TMEM165: variants seen among roughly 807,000 people sequenced by gnomAD.
The protein encoded by TMEM165 is transmembrane protein 165, also known as putative divalent cation/proton antiporter TMEM165.
Under a neutral mutation model 30.0 loss-of-function variants are expected in TMEM165, and 19 were observed. The observed-to-expected ratio is 0.63, with a 90% CI of 0.44 to 0.93. TMEM165 has a LOEUF of 0.93. Among genes scored for constraint, TMEM165 ranks in the 40% least tolerant of loss-of-function variants. TMEM165 has a pLI of 0.00. For missense variants in TMEM165, 340 were observed against 417.0 expected (o/e 0.82, Z 1.61); for synonymous variants, 168 against 162.9 (o/e 1.03, Z -0.24).
At chr4:55,443,218 G>C (rs1165392913) in intron 3 of TMEM165, among the ~76,000 whole-genome samples, 1 of 152,122 alleles carries the variant, frequency 6.6e-6, no homozygotes, top group Non-Finnish European at 1.5e-5. Flanking sequence ...GCTCACACCT[G>C]TAATCCCAGC....
intron 3 of TMEM165, chr4:55,438,431 ATGCAGTCAC>A (rs1238418312): frequency 6.2e-7 from 1 of 1,613,910 alleles, no homozygotes. Flanking sequence ...AAAGTAGGAT[ATGCAGTCAC>A]CACCTGGCCC....
intron 3 of TMEM165, among the ~76,000 whole-genome samples, chr4:55,443,475 CA>C (rs36064611): frequency 0.37 from 44,210 of 119,716 alleles, 6,957 homozygotes; most frequent in East Asian, 0.59. Context: ...AACTCCGTCT[CA>C]AAAAAAAAAA....
chr4:55,447,044 TTTTG>T (rs966243043), intron 3 of TMEM165, among the ~76,000 whole-genome samples: 1 of 152,088 alleles, frequency 6.6e-6, no homozygotes, highest in African/African-American at 2.4e-5. Context: ...AAGTTTTTTT[TTTTG>T]TTTTTTTTTA....
intron 1 of TMEM165, among the ~76,000 whole-genome samples, chr4:55,402,033 G>A (rs1339805750): frequency 1.4e-5 from 2 of 146,902 alleles, no homozygotes; most frequent in South Asian, 2.1e-4. Flanking sequence ...CAGGAGAATC[G>A]CTTGAGCCCG....
At chr4:55,449,305 G>A (rs1724218558) in intron 3 of TMEM165, 1 of 1,141,408 alleles carries the variant, frequency 8.8e-7, no homozygotes, top group Non-Finnish European at 1.3e-6. Context: ...TTACAAAGAG[G>A]GGTGACAAAT....
exon 4 of TMEM165, chr4:55,452,353 C>T (rs1401086613): frequency 6.6e-6 from 1 of 152,230 alleles, no homozygotes; most frequent in African/African-American, 2.4e-5. Context: ...GTCCAACTGC[C>T]CATGAGGAAC....
chr4:55,427,311 C>T (rs557881534), downstream of TMEM165, among the ~76,000 whole-genome samples: 6 of 151,762 alleles, frequency 4.0e-5, no homozygotes, highest in East Asian at 3.9e-4. Flanking sequence ...GCTGGGATTA[C>T]AGGCGTGAGC....
downstream of TMEM165, among the ~76,000 whole-genome samples, chr4:55,427,014 A>AGAG (rs1491410093): frequency 1.3e-5 from 2 of 150,740 alleles, no homozygotes; most frequent in African/African-American, 4.9e-5. Context: ...TTATAAAGAA[A>AGAG]GAGTGAGGAA....
chr4:55,431,768 T>C (rs1476067785), intron 3 of TMEM165: 1 of 152,240 alleles, frequency 6.6e-6, no homozygotes, highest in Non-Finnish European at 1.5e-5. Flanking sequence ...TTTAAAAAGT[T>C]TGCCTCAATG....
intron 4 of TMEM165, among the ~76,000 whole-genome samples, chr4:55,421,524 C>T (rs921129828): frequency 2.0e-5 from 3 of 152,056 alleles, no homozygotes; most frequent in Non-Finnish European, 2.9e-5. Context: ...TCTCGAACTC[C>T]TGAGTTCATG....
rs1369257463 is a variant in TMEM165 at position 55,396,059 on chromosome 4, TG to T, written c.-130del. The T allele has an allele frequency of 2.9e-6, 2 of 687,892 alleles. No homozygotes were observed. Among genetic ancestry groups the T allele is most frequent in the Non-Finnish European group, 4.2e-6 (2 of 479,742 alleles). The allele number at this position is 687,892 out of a possible 1,614,324, so 42.6% of individuals were successfully genotyped here. ...CCCGCTGCTTGCACCTCCCGGATGGTGCTGACTGCTCCCTAAGCGGCGGCGG... is the reference window on the plus strand; with the variant it reads ...CCCGCTGCTTGCACCTCCCGGATGGTCTGACTGCTCCCTAAGCGGCGGCGG... On this transcript the variant is annotated 5_prime_UTR_variant, in exon 1 of 6. An upstream open reading frame in the 5' UTR gains an earlier in-frame stop. Coordinates refer to ENST00000381334, the MANE Select transcript of TMEM165 (RefSeq NM_018475.5).
Position 55,425,560 on chromosome 4 carries a change from C to T in TMEM165, c.*108C>T, listed in dbSNP as rs997357248. 18 of 857,448 alleles carry T rather than the reference C, an allele frequency of 2.1e-5. No homozygotes were observed. The highest frequency in any genetic ancestry group is 1.2e-4 in the South Asian group (7 of 57,714). 53.1% of individuals were successfully genotyped at this position (857,448 alleles called of 1,614,324 possible). ...TGGAAAAATACTGTATTTTGTAGCA[C>T]TGATTTTGTGAGTTTGACCCATTAT... On this transcript the variant is annotated 3_prime_UTR_variant, in exon 6 of 6. Coordinates refer to ENST00000381334, the MANE Select transcript of TMEM165 (RefSeq NM_018475.5).
downstream of TMEM165, among the ~76,000 whole-genome samples, chr4:55,426,536 CA>C (rs1421102996): frequency 6.6e-6 from 1 of 152,206 alleles, no homozygotes; most frequent in Non-Finnish European, 1.5e-5. Flanking sequence ...ACCCAAGTAG[CA>C]TAACAGCTGC....
Position 55,425,588 on chromosome 4 carries a change from T to C in TMEM165, c.*136T>C. ...ATTTTGTGAGTTTGACCCATTATTA[T>C]GTCTGAGATATAATCATTGATTCTA... On this transcript the variant is annotated 3_prime_UTR_variant, in exon 6 of 6. Coordinates refer to ENST00000381334, the MANE Select transcript of TMEM165 (RefSeq NM_018475.5). The C allele has an allele frequency of 1.6e-6, 1 of 643,904 alleles. No individual in the cohort carries two copies. The highest frequency in any genetic ancestry group is 2.6e-6 in the Non-Finnish European group (1 of 380,824). The allele number at this position is 643,904 out of a possible 1,614,324, so 39.9% of individuals were successfully genotyped here.
intron 3 of TMEM165, among the ~76,000 whole-genome samples, chr4:55,444,217 CAT>C (rs964293945): frequency 1.3e-5 from 2 of 152,168 alleles, no homozygotes; most frequent in African/African-American, 4.8e-5. Flanking sequence ...TTACCAAAGT[CAT>C]AGTCTCCTAG....
intron 3 of TMEM165, chr4:55,444,741 G>C (rs34812164): frequency 1.9e-6 from 3 of 1,613,884 alleles, no homozygotes; most frequent in Non-Finnish European, 2.5e-6. Context: ...GTTCCAATTG[G>C]TCTTTCAGAT....
chr4:55,444,662 G>A, intron 3 of TMEM165: 1 of 1,614,044 alleles, frequency 6.2e-7, no homozygotes, highest in Non-Finnish European at 8.5e-7. Flanking sequence ...ACCATCTGAA[G>A]TTGTTCTTGA....
intron 4 of TMEM165, among the ~76,000 whole-genome samples, chr4:55,418,320 A>T (rs540777727): frequency 1.3e-5 from 2 of 152,254 alleles, no homozygotes; most frequent in South Asian, 2.1e-4. Flanking sequence ...AATCAGTATA[A>T]TATTATTGAA....
At chr4:55,444,099 G>A (rs80190691) in intron 3 of TMEM165, among the ~76,000 whole-genome samples, 2,573 of 152,246 alleles carry the variant, frequency 0.017, 71 homozygotes, top group African/African-American at 0.058. Flanking sequence ...GTTTCCAATT[G>A]TTAGAAAAAG....
Sources: allele counts gnomAD v4.1 joint callset (sites outside exome capture counted in the v4.1 genomes callset), GRCh38; gene constraint gnomAD v4.1.1; transcripts MANE v1.5; gene names NCBI Gene and HGNC (gene_info 2026-07-23, HGNC 2026-07-21).